PNPT1: variants seen among roughly 807,000 people sequenced by gnomAD.
PNPT1 encodes polyribonucleotide nucleotidyltransferase 1.
PNPT1 carries 53 observed loss-of-function variants against 119.5 expected under a neutral mutation model. The observed-to-expected ratio is 0.44, with a 90% CI of 0.36 to 0.56. The LOEUF (loss-of-function observed/expected upper bound fraction) is 0.56. Among genes scored for constraint, PNPT1 ranks in the 20% least tolerant of loss-of-function variants. The pLI, the probability that PNPT1 is intolerant of heterozygous loss-of-function variation, is 0.00. For synonymous variants in PNPT1, 357 were observed against 322.1 expected (o/e 1.11, Z -1.16); for missense variants, 948 against 938.5 (o/e 1.01, Z -0.13).
intron 21 of PNPT1, among the ~76,000 whole-genome samples, 172 bp downstream of exon 21, chr2:55,646,087 C>G (rs1039778875): frequency 1.3e-5 from 2 of 152,102 alleles, no homozygotes; most frequent in African/African-American, 4.8e-5. Context: ...CTCGGCCTCT[C>G]AAAGTGCTGG....
At chr2:55,653,176 A>G (rs1696267190) in intron 18 of PNPT1, among the ~76,000 whole-genome samples, 1 of 152,122 alleles carries the variant, frequency 6.6e-6, no homozygotes, top group Non-Finnish European at 1.5e-5. Flanking sequence ...CTTATAAACC[A>G]TTCTTTTTTT....
intron 1 of PNPT1, among the ~76,000 whole-genome samples, chr2:55,691,865 TA>T (rs1559116604): frequency 1.8e-3 from 47 of 26,218 alleles, no homozygotes; most frequent in South Asian, 5.0e-3. Flanking sequence ...TATATATATA[TA>T]TATATATATA....
chr2:55,640,997 G>T (rs936679623), intron 25 of PNPT1, among the ~76,000 whole-genome samples: 2 of 152,212 alleles, frequency 1.3e-5, no homozygotes, highest in Non-Finnish European at 2.9e-5. Flanking sequence ...AGGCCAAGGT[G>T]AGCAGATCAC....
intron 1 of PNPT1, among the ~76,000 whole-genome samples, chr2:55,689,675 G>C (rs1286111802): frequency 6.6e-6 from 1 of 152,200 alleles, no homozygotes; most frequent in East Asian, 1.9e-4. Flanking sequence ...AAGTAGATTA[G>C]TGGTTACCTG....
rs201269381 is a variant in PNPT1 at position 55,643,350 on chromosome 2, C to T, written c.1982G>A (p.Arg661Lys). ...CTTGCAGATTTCAGTAATGAAGTCT[C>T]TTGCCTCATGCATAGCACTGGGTGT... is the stretch of plus-strand genomic sequence containing the variant. ...APTPSAMHEA[R>K]DFITEICKDD... Residue 661 changes from arginine to lysine, a missense_variant, in exon 24 of 28, where the codon AGA becomes AAA. Coordinates refer to ENST00000447944, the MANE Select transcript of PNPT1 (RefSeq NM_033109.5). The T allele has an allele frequency of 5.3e-5, 86 of 1,614,068 alleles. 1 individual carries two copies. The highest frequency in any genetic ancestry group is 1.6e-4 in the Middle Eastern group (1 of 6,078).
At chr2:55,672,850 T>C in intron 9 of PNPT1, 43 bp downstream of exon 9, 1 of 1,524,562 alleles carries the variant, frequency 6.6e-7, no homozygotes, top group Non-Finnish European at 8.8e-7. Context: ...GGAAATTAAA[T>C]CTGATGACAA....
intron 26 of PNPT1, 49 bp from the exon 27 acceptor site, chr2:55,637,648 T>C (rs1219507064): frequency 4.9e-6 from 7 of 1,421,824 alleles, no homozygotes; most frequent in African/African-American, 1.4e-5. Flanking sequence ...AATTATGTAG[T>C]GTCCATGGAA....
At chr2:55,690,919 A>T (rs1374069163) in intron 1 of PNPT1, among the ~76,000 whole-genome samples, 1 of 152,228 alleles carries the variant, frequency 6.6e-6, no homozygotes, top group African/African-American at 2.4e-5. Context: ...GCAACAACCT[A>T]TAGCTGAAAT....
chr2:55,676,275 A>C (rs1211224195), intron 8 of PNPT1, among the ~76,000 whole-genome samples: 2 of 151,204 alleles, frequency 1.3e-5, no homozygotes, highest in Non-Finnish European at 3.0e-5. Context: ...AAAAAAAAAA[A>C]AAAAAAAAAG....
chr2:55,666,873 T>A (rs1433370927), intron 13 of PNPT1, 118 bp downstream of exon 13: 1 of 615,426 alleles, frequency 1.6e-6, no homozygotes, highest in Non-Finnish European at 2.6e-6. Flanking sequence ...CAGATATTAA[T>A]TTAAATAAAT....
Position 55,672,984 on chromosome 2 carries a change from T to C in PNPT1, c.775A>G (p.Ile259Val), listed in dbSNP as rs1271131180. Residue 259 changes from isoleucine (I) to valine (V), a missense_variant, in exon 9 of 28, where the codon ATT becomes GTT. Ile to Val is a conservative substitution (Grantham distance 29). Coordinates refer to ENST00000447944, the MANE Select transcript of PNPT1 (RefSeq NM_033109.5). ...VKYTQQIIQGIQQLVKETGVT... is the reference protein window; with the variant it reads ...VKYTQQIIQGVQQLVKETGVT... Reference sequence around the variant, plus strand: ...CCAGTTTCTTTTACCAACTGCTGAATGCCCTGAATTATTTGTTGGGTATAT... The same window carrying C: ...CCAGTTTCTTTTACCAACTGCTGAACGCCCTGAATTATTTGTTGGGTATAT... 1.9e-6 allele frequency: 3 copies of C among 1,613,488 alleles called. No homozygotes were observed. The highest frequency in any genetic ancestry group is 2.7e-5 in the African/African-American group (2 of 74,916).
chr2:55,675,698 A>AAAAGAAAG (rs758856556), intron 8 of PNPT1, among the ~76,000 whole-genome samples: 2 of 152,108 alleles, frequency 1.3e-5, no homozygotes, highest in Admixed American at 1.3e-4. Context: ...CTGTCTTAAA[A>AAAAGAAAG]AAAGAAAGAA....
intron 2 of PNPT1, among the ~76,000 whole-genome samples, chr2:55,687,394 C>T (rs939553064): frequency 1.6e-4 from 24 of 151,654 alleles, no homozygotes; most frequent in African/African-American, 5.8e-4. Flanking sequence ...GTGCCAAAAT[C>T]GCACCACTGC....
chr2:55,645,579 A>G, intron 21 of PNPT1, 147 bp from the exon 22 acceptor site: 1 of 554,882 alleles, frequency 1.8e-6, no homozygotes, highest in African/African-American at 1.9e-5. Flanking sequence ...AAATTCACTC[A>G]TATTCTCTTC....
intron 27 of PNPT1, among the ~76,000 whole-genome samples, chr2:55,636,872 AACAAC>A: frequency 1.0e-4 from 3 of 29,160 alleles, no homozygotes; most frequent in African/African-American, 2.0e-4. Context: ...CTGATGTGAA[AACAAC>A]AACAACAACA....
intron 5 of PNPT1, 52 bp from the exon 6 acceptor site, chr2:55,680,970 T>C: frequency 2.1e-6 from 3 of 1,439,400 alleles, no homozygotes; most frequent in Non-Finnish European, 2.9e-6. Context: ...TAGGTTAACA[T>C]CCTGACCTAA....
chr2:55,687,213 CAAAAAAAA>C (rs777676691), intron 2 of PNPT1, among the ~76,000 whole-genome samples: 2 of 93,974 alleles, frequency 2.1e-5, no homozygotes, highest in African/African-American at 4.3e-5. Flanking sequence ...GACTCCATCT[CAAAAAAAA>C]AAAAAAAAAA....
At position 55,686,351 on chromosome 2, in the gene PNPT1, T is replaced by C. The variant is rs760933405; in HGVS notation, c.297+19A>G. 2 of 1,589,466 alleles carry C rather than the reference T, an allele frequency of 1.3e-6. No individual in the cohort carries two copies. Among genetic ancestry groups the C allele is most frequent in the African/African-American group, 2.7e-5 (2 of 74,362 alleles). On this transcript the variant is annotated intron_variant, in intron 3 of 27. Coordinates refer to ENST00000447944, the MANE Select transcript of PNPT1 (RefSeq NM_033109.5). The stretch of plus-strand genomic sequence containing the variant: ...TACTCAGACCATATTACAGTTCAGA[T>C]AAATCAGCAAATACTTACCACCAAA...
intron 26 of PNPT1, among the ~76,000 whole-genome samples, chr2:55,638,935 C>A (rs1434006942): frequency 6.6e-6 from 1 of 152,006 alleles, no homozygotes; most frequent in African/African-American, 2.4e-5. Flanking sequence ...CCATCATGCC[C>A]AGCTAATTTT....
Sources: gnomAD v4.1 joint callset for allele counts (sites outside exome capture counted in the v4.1 genomes callset) on GRCh38, gnomAD v4.1.1 for gene constraint, MANE v1.5 for transcripts, NCBI Gene and HGNC (gene_info 2026-07-23, HGNC 2026-07-21) for gene names.